Variants in GIN1 observed in about 807,000 individuals in gnomAD.
GIN1 encodes the protein gypsy retrotransposon integrase-like protein 1.
In GIN1, 41 loss-of-function variants were observed where a neutral mutation model predicts 51.4. The observed-to-expected ratio is 0.80, with a 90% confidence interval of 0.62 to 1.04. The LOEUF is 1.04. GIN1 is among the 50% of genes least tolerant of loss of function. The probability of loss-of-function intolerance (pLI) is 0.00; values close to 1 mark genes in which losing one functional copy is unlikely to be tolerated. For synonymous variants in GIN1, 222 were observed against 206.5 expected (o/e 1.07, Z -0.64); for missense variants, 610 against 612.4 (o/e 1.00, Z 0.04).
intron 7 of GIN1, among the ~76,000 whole-genome samples, chr5:103,093,696 C>G (rs4612034): frequency 6.6e-6 from 1 of 152,174 alleles, no homozygotes; most frequent in Non-Finnish European, 1.5e-5. Flanking sequence ...AGATCCAAAT[C>G]TATCACAAAC....
chr5:103,119,471 G>A (rs1284597655), intron 1 of GIN1, among the ~76,000 whole-genome samples: 2 of 152,158 alleles, frequency 1.3e-5, no homozygotes, highest in Non-Finnish European at 2.9e-5. Context: ...GAAGCCACAT[G>A]GGATAAATGC....
intron 7 of GIN1, among the ~76,000 whole-genome samples, chr5:103,090,554 G>A (rs1229479919): frequency 1.3e-5 from 2 of 152,146 alleles, no homozygotes; most frequent in Non-Finnish European, 2.9e-5. Flanking sequence ...TTCAAGGCCT[G>A]TACATTCCTA....
At chr5:103,118,952 T>C (rs1788206201) in intron 1 of GIN1, among the ~76,000 whole-genome samples, 1 of 152,190 alleles carries the variant, frequency 6.6e-6, no homozygotes. Flanking sequence ...TCTCTTAAAA[T>C]CATTACTTAA....
At chr5:103,119,599 T>A (rs1259318005) in intron 1 of GIN1, among the ~76,000 whole-genome samples, 1 of 152,212 alleles carries the variant, frequency 6.6e-6, no homozygotes, top group African/African-American at 2.4e-5. Flanking sequence ...CCTCTTGACC[T>A]CACGTTTCTC....
At chr5:103,100,842 T>A (rs1332950259) in intron 4 of GIN1, among the ~76,000 whole-genome samples, 1 of 152,200 alleles carries the variant, frequency 6.6e-6, no homozygotes, top group Non-Finnish European at 1.5e-5. Flanking sequence ...GGTAAGGCTC[T>A]CCATCAATAA....
chr5:103,098,886 C>T (rs753237442), intron 4 of GIN1, among the ~76,000 whole-genome samples: 8 of 152,178 alleles, frequency 5.3e-5, no homozygotes, highest in Admixed American at 5.2e-4. Context: ...CTTATAACTA[C>T]TATTATTGGT....
rs782485549 is a variant in GIN1 at position 103,096,607 on chromosome 5, C to A, written c.1228G>T (p.Val410Phe). ...ATTTTGATAGGTCTTTTCAGTCTAA[C>A]CCCAGTGTTGTCTCTCAGGACAGCA... is the stretch of plus-strand genomic sequence containing the variant. ...GCAVLRDNTG[V>F]RLKRPIKMSH... The change falls in exon 7 of 8, where the codon GTT becomes TTT. Residue 410 changes from valine to phenylalanine, a missense_variant. Coordinates refer to ENST00000399004, the MANE Select transcript of GIN1 (RefSeq NM_017676.2). 2.5e-6 allele frequency: 4 copies of A among 1,613,242 alleles called. No individual in the cohort carries two copies. Among genetic ancestry groups the A allele is most frequent in the Non-Finnish European group, 3.4e-6 (4 of 1,179,212 alleles).
chr5:103,097,229 G>T, intron 6 of GIN1, 85 bp downstream of exon 6: 1 of 771,790 alleles, frequency 1.3e-6, no homozygotes. Flanking sequence ...GTGTGTGCAT[G>T]CACACATGTA....
chr5:103,087,982 T>C lies in GIN1; in HGVS notation c.1485A>G (p.Pro495=), dbSNP rs1264825351. The part of the protein sequence containing the change: ...LLEYRNTKIS[P]LIDDHSSLEK... ...CAAGAGAACTATGATCGTCTATCAA[T>C]GGAGAGATTTTCGTATTTCTATATT... Residue 495 remains proline (P), a synonymous_variant, in exon 8 of 8, where the codon CCA becomes CCG. Transcript: ENST00000399004. 8.8e-6 allele frequency: 14 copies of C among 1,597,610 alleles called. No homozygotes were observed. The highest frequency in any genetic ancestry group is 2.7e-5 in the African/African-American group (2 of 74,580).
rs1583135694 is a variant in GIN1 at position 103,113,950 on chromosome 5, T to C, written c.-7-5236A>G. ...ATACCTCTGCCAGTATACAAGGCTT[T>C]ATAAGATATGGTTTTTATCAATCTC... On this transcript the variant is annotated intron_variant, in intron 1 of 7. Coordinates refer to ENST00000399004, the MANE Select transcript of GIN1 (RefSeq NM_017676.2). 2.0e-5 allele frequency among the ~76,000 whole-genome samples: 3 copies of C among 152,376 alleles called. No individual in the cohort carries two copies. In the South Asian group the frequency reaches 6.2e-4, roughly 32 times the overall value.
intron 3 of GIN1, among the ~76,000 whole-genome samples, chr5:103,106,163 T>C (rs184922132): frequency 1.5e-4 from 23 of 152,218 alleles, no homozygotes; most frequent in Admixed American, 9.2e-4. Context: ...AAAATTCCTA[T>C]AGGTGAATTT....
Position 103,096,788 on chromosome 5 carries a change from C to T in GIN1, c.1047G>A (p.Lys349=). 6.2e-7 allele frequency: 1 copy of T among 1,605,986 alleles called. No individual in the cohort carries two copies. The highest frequency in any genetic ancestry group is 8.5e-7 in the Non-Finnish European group (1 of 1,173,080). ...GTTTGGGTTTCTTTTTAACAATGAT[C>T]TTGCTTTTATTTAGTTCATCCAAAT... ...NNNLDELNKS[K]IIVKKKPKQL... Residue 349 remains lysine (K), a synonymous_variant, in exon 7 of 8, where the codon AAG becomes AAA. Coordinates refer to ENST00000399004, the MANE Select transcript of GIN1 (RefSeq NM_017676.2).
chr5:103,108,640 T>C lies in GIN1; in HGVS notation c.68A>G (p.Glu23Gly), dbSNP rs1193240843. Residue 23 changes from glutamate (E) to glycine (G), a missense_variant, in exon 2 of 8, where the codon GAA becomes GGA. Physicochemically the swap from Glu to Gly is moderately conservative, Grantham distance 98. Transcript: ENST00000399004. ...KQIAYYKRTGEYHSTTLPSER... is the reference protein window; with the variant it reads ...KQIAYYKRTGGYHSTTLPSER... Reference sequence around the variant, plus strand: ...ACTTGGCAGTGTAGTTGAATGATATTCACCAGTTCGTTTGTAATATGCAAT... The same window carrying C: ...ACTTGGCAGTGTAGTTGAATGATATCCACCAGTTCGTTTGTAATATGCAAT... 6.9e-6 allele frequency: 11 copies of C among 1,605,204 alleles called. No homozygotes were observed. Among genetic ancestry groups the C allele is most frequent in the Non-Finnish European group, 9.4e-6 (11 of 1,172,716 alleles).
At chr5:103,104,935 T>C in intron 3 of GIN1, 89 bp from the exon 4 acceptor site, 2 of 778,198 alleles carry the variant, frequency 2.6e-6, no homozygotes, top group Non-Finnish European at 4.1e-6. Context: ...AATTTTAAAA[T>C]GGTTAATAGG....
intron 7 of GIN1, 33 bp downstream of exon 7, chr5:103,096,508 C>A: frequency 6.8e-7 from 1 of 1,464,676 alleles, no homozygotes; most frequent in Non-Finnish European, 9.4e-7. Flanking sequence ...TTACCTAAAG[C>A]AATAAAAATG....
At chr5:103,095,283 A>G (rs1787361032) in intron 7 of GIN1, among the ~76,000 whole-genome samples, 1 of 152,186 alleles carries the variant, frequency 6.6e-6, no homozygotes, top group South Asian at 2.1e-4. Context: ...ACAAAATAAA[A>G]GCCTTGATAA....
chr5:103,087,972 C>T lies in GIN1; in HGVS notation c.1495G>A (p.Asp499Asn), dbSNP rs909889309. 26 of 1,595,174 alleles carry T rather than the reference C, an allele frequency of 1.6e-5. No homozygotes were observed. The highest frequency in any genetic ancestry group is 2.2e-5 in the South Asian group (2 of 90,492). Reference sequence around the variant, plus strand: ...GTCTGCTTTTCAAGAGAACTATGATCGTCTATCAATGGAGAGATTTTCGTA... The same window carrying T: ...GTCTGCTTTTCAAGAGAACTATGATTGTCTATCAATGGAGAGATTTTCGTA... ...RNTKISPLID[D>N]HSSLEKQTFS... Residue 499 changes from aspartate to asparagine, a missense_variant, in exon 8 of 8, where the codon GAT becomes AAT. Coordinates refer to ENST00000399004, the MANE Select transcript of GIN1 (RefSeq NM_017676.2).
At chr5:103,091,686 A>T (rs1787241718) in intron 7 of GIN1, among the ~76,000 whole-genome samples, 1 of 151,564 alleles carries the variant, frequency 6.6e-6, no homozygotes, top group Admixed American at 6.6e-5. Flanking sequence ...TTTTTTTTTT[A>T]AAGAGATGGG....
chr5:103,097,411 T>C lies in GIN1; in HGVS notation c.911A>G (p.Glu304Gly). 1 of 1,573,148 alleles carries C rather than the reference T, an allele frequency of 6.4e-7. No individual in the cohort carries two copies. The highest frequency in any genetic ancestry group is 8.7e-7 in the Non-Finnish European group (1 of 1,143,086). The part of the protein sequence containing the change: ...YMPETSDSLH[E>G]VDGDNTSMFA... ...CATACTTGTATTATCACCATCCACT[T>C]CATGAAGACTATCTGAAGTCTCAGG... Residue 304 changes from glutamate to glycine, a missense_variant, in exon 6 of 8, where the codon GAA (glutamate) becomes GGA (glycine). By Grantham distance (98) the Glu-to-Gly change is moderately conservative. Coordinates refer to ENST00000399004, the MANE Select transcript of GIN1 (RefSeq NM_017676.2).
Sources: gnomAD v4.1 joint callset for allele counts (sites outside exome capture counted in the v4.1 genomes callset) on GRCh38, gnomAD v4.1.1 for gene constraint, MANE v1.5 for transcripts, NCBI Gene and HGNC (gene_info 2026-07-23, HGNC 2026-07-21) for gene names.